The following FRMD4B variants were observed in gnomAD, a reference collection of about 807,000 sequenced individuals.
FRMD4B encodes FERM domain containing 4B.
Under a neutral mutation model 141.5 loss-of-function variants are expected in FRMD4B, and 74 were observed. The ratio of observed to expected loss-of-function variants is 0.52; its 90% CI spans 0.43 to 0.63. The LOEUF (loss-of-function observed/expected upper bound fraction) is 0.63. Among genes scored for constraint, FRMD4B ranks in the 30% least tolerant of loss-of-function variants. The probability of loss-of-function intolerance (pLI) is 0.00; values close to 1 mark genes in which losing one functional copy is unlikely to be tolerated. For missense variants in FRMD4B, 1,366 were observed against 1,253.4 expected, an observed-to-expected ratio of 1.09 and a Z score of -1.36; for synonymous variants, 506 against 467.9, an observed-to-expected ratio of 1.08 and a Z score of -1.05.
intron 8 of FRMD4B, among the ~76,000 whole-genome samples, chr3:69,223,163 T>C (rs906077670): frequency 3.3e-5 from 5 of 152,194 alleles, no homozygotes; most frequent in Admixed American, 1.3e-4. Flanking sequence ...ACCTAGAAGA[T>C]GAAGTATTTC....
At chr3:69,332,728 C>A (rs1363324096) in intron 1 of FRMD4B, among the ~76,000 whole-genome samples, 3 of 150,606 alleles carry the variant, frequency 2.0e-5, no homozygotes, top group African/African-American at 7.4e-5. Context: ...AGGTGTGCAC[C>A]ACCACACCTG....
rs186260090 is a variant in FRMD4B, at chr3:69,324,610, C to A, written c.163-11093G>T. Among the ~76,000 whole-genome samples the A allele has an allele frequency of 9.9e-5, 15 of 152,248 alleles. No individual in the cohort carries two copies. The East Asian group carries it at 2.9e-3, about 29-fold the overall frequency. ...AGACCTTGCCAAATGTCCCCTGGGACGCAAAATCACCTCTTTTGAGAACAA... is the reference window on the plus strand; with the variant it reads ...AGACCTTGCCAAATGTCCCCTGGGAAGCAAAATCACCTCTTTTGAGAACAA... On this transcript the variant is annotated intron_variant, in intron 1 of 22. Coordinates refer to ENST00000398540, the MANE Select transcript of FRMD4B (RefSeq NM_015123.3).
At chr3:69,224,838 GC>G in intron 7 of FRMD4B, 148 bp from the exon 8 acceptor site, 1 of 572,998 alleles carries the variant, frequency 1.7e-6, no homozygotes, top group South Asian at 2.5e-5. Context: ...ACTAGAAGCA[GC>G]CCCCAAATTT....
At chr3:69,180,874 T>G in intron 21 of FRMD4B, 25 bp downstream of exon 21, 1 of 1,448,184 alleles carries the variant, frequency 6.9e-7, no homozygotes, top group South Asian at 1.3e-5. Flanking sequence ...AATCCAGGTG[T>G]TGCGTGTTTT....
At position 69,250,423 on chromosome 3, in the gene FRMD4B, A is replaced by T. The variant is rs137906188; in HGVS notation, c.502-324T>A. ...CATTCAGAAAACTTCTAAATGAAAA[A>T]TTTTTATCTCTGCAAGTTCATTTTT... On this transcript the variant is annotated intron_variant, in intron 5 of 22. Coordinates refer to ENST00000398540, the MANE Select transcript of FRMD4B (RefSeq NM_015123.3). Among the ~76,000 whole-genome samples the T allele has an allele frequency of 1.5e-3, 232 of 152,200 alleles. 1 individual carries two copies. Among genetic ancestry groups the T allele is most frequent in the African/African-American group, 5.2e-3 (217 of 41,528 alleles).
intron 7 of FRMD4B, chr3:69,228,461 G>C: frequency 2.2e-6 from 1 of 456,630 alleles, no homozygotes. Flanking sequence ...TCTGAAGAGA[G>C]GAGAACATTG....
At chr3:69,531,221 T>C (rs776977543) in intron 1 of FRMD4B, among the ~76,000 whole-genome samples, 4 of 152,168 alleles carry the variant, frequency 2.6e-5, no homozygotes, top group Admixed American at 6.5e-5. Context: ...GGAGCTATAT[T>C]ATTAGTAATA....
At chr3:69,431,418 A>G (rs1483569419) in intron 2 of FRMD4B, among the ~76,000 whole-genome samples, 2 of 152,298 alleles carry the variant, frequency 1.3e-5, no homozygotes, top group East Asian at 3.9e-4. Context: ...AAGAACTGAT[A>G]TCTTCCACTT....
chr3:69,358,599 G>C (rs1703389025), intron 1 of FRMD4B, among the ~76,000 whole-genome samples: 1 of 152,110 alleles, frequency 6.6e-6, no homozygotes, highest in Non-Finnish European at 1.5e-5. Context: ...AGCCAAGTGT[G>C]GTGGCATGCG....
At chr3:69,335,567 C>T (rs191985531) in intron 1 of FRMD4B, among the ~76,000 whole-genome samples, 10 of 151,722 alleles carry the variant, frequency 6.6e-5, no homozygotes, top group Admixed American at 3.3e-4. Flanking sequence ...CTGCCCACCT[C>T]GGCTTCCCAA....
At chr3:69,538,482 G>A (rs554435386) in intron 1 of FRMD4B, among the ~76,000 whole-genome samples, 42 of 152,194 alleles carry the variant, frequency 2.8e-4, no homozygotes, top group Admixed American at 1.8e-3. Context: ...ACATAGGAGT[G>A]ACTCAAAGTC....
chr3:69,311,414 C>T (rs1246703503), intron 2 of FRMD4B, 57 bp from the exon 3 acceptor site: 2 of 777,962 alleles, frequency 2.6e-6, no homozygotes, highest in East Asian at 5.0e-5. Context: ...TTACTGCTAC[C>T]ACCTTCCTCT....
chr3:69,263,396 C>CTTTTTT lies in FRMD4B; in HGVS notation c.502-13303_502-13298dup, dbSNP rs67497031. Among the ~76,000 whole-genome samples, 115 of 72,910 alleles carry CTTTTTT rather than the reference C, an allele frequency of 1.6e-3. 11 individuals are homozygous for CTTTTTT. Among genetic ancestry groups the CTTTTTT allele is most frequent in the African/African-American group, 6.2e-3 (106 of 17,208 alleles). The allele number at this position is 72,910 out of a possible 152,430, so 47.8% of individuals were successfully genotyped here. A position where few individuals can be genotyped will look rare whatever the true frequency, so the allele number is the denominator to read the frequency against. On this transcript the variant is annotated intron_variant, in intron 5 of 22. Coordinates refer to ENST00000398540, the MANE Select transcript of FRMD4B (RefSeq NM_015123.3). ...GATGCTAGTTTGCTAGTTACATGCA[C>CTTTTTT]TTTTTTTTTTTTTTTTTTTTTTTTG...
intron 1 of FRMD4B, chr3:69,536,069 G>A (rs1049568888): frequency 2.7e-5 from 12 of 439,238 alleles, no homozygotes; most frequent in African/African-American, 2.3e-4. Flanking sequence ...AGCCTCACCG[G>A]GCTGTGGCCT....
At chr3:69,175,292 G>A (rs2092631964) in intron 22 of FRMD4B, among the ~76,000 whole-genome samples, 1 of 152,176 alleles carries the variant, frequency 6.6e-6, no homozygotes, top group Admixed American at 6.5e-5. Flanking sequence ...TACCATGGGT[G>A]TGGATTATCT....
At chr3:69,329,362 T>C (rs1702287529) in intron 1 of FRMD4B, among the ~76,000 whole-genome samples, 1 of 152,130 alleles carries the variant, frequency 6.6e-6, no homozygotes, top group Non-Finnish European at 1.5e-5. Flanking sequence ...TTTATTTTTA[T>C]GTTTTGAGAC....
rs150430235 is a variant in FRMD4B at position 69,191,407 on chromosome 3, C to G, written c.1715-1455G>C. 3.5e-3 allele frequency among the ~76,000 whole-genome samples: 532 copies of G among 152,004 alleles called. 5 individuals carry two copies. Among genetic ancestry groups the G allele is most frequent in the African/African-American group, 0.012 (500 of 41,400 alleles). ...TGCACTCCAGGCTGGGTGGCAGAGA[C>G]AGCTCTGTCTCAAAAGAAAAAAAAC... On this transcript the variant is annotated intron_variant, in intron 17 of 22. Coordinates refer to ENST00000398540, the MANE Select transcript of FRMD4B (RefSeq NM_015123.3).
intron 5 of FRMD4B, among the ~76,000 whole-genome samples, chr3:69,250,822 T>C (rs889142689): frequency 1.6e-4 from 24 of 151,474 alleles, no homozygotes; most frequent in Non-Finnish European, 2.9e-4. Context: ...GCACAGTGGC[T>C]CATGCCCATA....
At chr3:69,362,710 C>CCCCCCAA (rs1553730362) in intron 1 of FRMD4B, among the ~76,000 whole-genome samples, 3 of 148,104 alleles carry the variant, frequency 2.0e-5, no homozygotes, top group African/African-American at 7.5e-5. Context: ...ACCCCCCCCC[C>CCCCCCAA]AAAAAAACAA....
Sources: gnomAD v4.1 joint callset for allele counts (sites outside exome capture counted in the v4.1 genomes callset) on GRCh38, gnomAD v4.1.1 for gene constraint, MANE v1.5 for transcripts, NCBI Gene and HGNC (gene_info 2026-07-23, HGNC 2026-07-21) for gene names.